NVL: variants seen among roughly 807,000 people sequenced by gnomAD.
NVL encodes the protein nuclear valosin-containing protein-like.
NVL carries 84 observed loss-of-function variants against 110.2 expected under a neutral mutation model. The ratio of observed to expected loss-of-function variants is 0.76; its 90% confidence interval spans 0.64 to 0.91. The LOEUF (loss-of-function observed/expected upper bound fraction) is 0.91. Among genes scored for constraint, NVL ranks in the 40% least tolerant of loss-of-function variants. NVL has a pLI of 0.00. For missense variants in NVL, 882 were observed against 1,035.9 expected (o/e 0.85, Z 2.04); for synonymous variants, 354 against 361.1 (o/e 0.98, Z 0.22).
intron 16 of NVL, among the ~76,000 whole-genome samples, chr1:224,278,881 C>T (rs1481321273): frequency 6.6e-6 from 1 of 152,074 alleles, no homozygotes; most frequent in Non-Finnish European, 1.5e-5. Context: ...TACAGGTGTG[C>T]ATCTGGCTAA....
At chr1:224,291,125 T>G in intron 12 of NVL, among the ~76,000 whole-genome samples, 1 of 152,264 alleles carries the variant, frequency 6.6e-6, no homozygotes, top group East Asian at 1.9e-4. Flanking sequence ...GTAGCACTTA[T>G]TCAGAGGGCT....
chr1:224,278,173 T>C (rs1665953836), intron 16 of NVL, among the ~76,000 whole-genome samples: 1 of 151,408 alleles, frequency 6.6e-6, no homozygotes, highest in Non-Finnish European at 1.5e-5. Flanking sequence ...TGTCCTAGAG[T>C]GAACTCATTT....
chr1:224,322,427 A>C (rs1321808155), intron 2 of NVL, among the ~76,000 whole-genome samples: 2 of 152,052 alleles, frequency 1.3e-5, no homozygotes, highest in African/African-American at 4.8e-5. Flanking sequence ...GGAAGGAAAA[A>C]TACTACTGAG....
At chr1:224,233,320 C>T (rs755484778) in intron 20 of NVL, 31 bp from the exon 21 acceptor site, 1 of 1,524,286 alleles carries the variant, frequency 6.6e-7, no homozygotes, top group South Asian at 1.2e-5. Context: ...TCTACTTATT[C>T]TTAGATACTG....
intron 2 of NVL, among the ~76,000 whole-genome samples, chr1:224,321,665 A>G (rs1461738606): frequency 6.6e-6 from 1 of 151,396 alleles, no homozygotes; most frequent in Non-Finnish European, 1.5e-5. Flanking sequence ...CTGAGGCAGG[A>G]GAGTCACTTG....
At position 224,289,799 on chromosome 1, in the gene NVL, A is replaced by G. The variant is rs1331407711; in HGVS notation, c.1326-66T>C. 3 of 1,496,716 alleles carry G rather than the reference A, an allele frequency of 2.0e-6. No homozygotes were observed. The African/African-American group carries it at 4.2e-5, about 21-fold the overall frequency. 92.7% of individuals were successfully genotyped at this position (1,496,716 alleles called of 1,614,324 possible). A position where few individuals can be genotyped will look rare whatever the true frequency, so the allele number is the denominator to read the frequency against. On this transcript the variant is annotated intron_variant, in intron 12 of 22. Transcript: ENST00000281701. Reference sequence around the variant, plus strand: ...TAATAGTAAAAACAAGTCACCAACTATATTTATTTGAAGTCCTTCACGTCT... The same window carrying G: ...TAATAGTAAAAACAAGTCACCAACTGTATTTATTTGAAGTCCTTCACGTCT...
At chr1:224,312,021 A>G (rs1669575291) in intron 4 of NVL, 164 bp from the exon 5 acceptor site, 1 of 590,608 alleles carries the variant, frequency 1.7e-6, no homozygotes, top group Admixed American at 3.1e-5. Context: ...TTAACCAGTT[A>G]TTACTTAACC....
chr1:224,268,134 C>T lies in NVL; in HGVS notation c.2083-1G>A. The T allele has an allele frequency of 1.2e-6, 2 of 1,609,566 alleles. No individual in the cohort carries two copies. The highest frequency in any genetic ancestry group is 2.2e-5 in the East Asian group (1 of 44,850). On this transcript the variant is annotated splice_acceptor_variant, in intron 17 of 22. Transcript: ENST00000281701. LOFTEE classifies it high-confidence loss of function. ...TCACCACTCGGACACTTGCCCCTGT[C>T]TAAAAAGACATAAATCTGGTTCCAT...
At chr1:224,324,761 AGAGTT>A (rs1670979083) in intron 2 of NVL, among the ~76,000 whole-genome samples, 1 of 152,204 alleles carries the variant, frequency 6.6e-6, no homozygotes, top group Non-Finnish European at 1.5e-5. Context: ...TTTGGACTTA[AGAGTT>A]GATGCTAAAA....
In NVL at chr1:224,326,385, A is replaced by G; in HGVS notation, c.131+6T>C. On this transcript the variant is annotated splice_donor_region_variant and intron_variant, in intron 2 of 22. Transcript: ENST00000281701. ...ATCCAAGGATCCGGAAACTATATTT[A>G]TTTACCTGTACACTCTTTGTAAATC... 1 of 1,590,406 alleles carries G rather than the reference A, an allele frequency of 6.3e-7. No homozygotes were observed. Among genetic ancestry groups the G allele is most frequent in the Non-Finnish European group, 8.6e-7 (1 of 1,166,496 alleles).
intron 15 of NVL, among the ~76,000 whole-genome samples, chr1:224,282,460 G>GA (rs1449682201): frequency 2.0e-5 from 3 of 152,340 alleles, no homozygotes; most frequent in Non-Finnish European, 4.4e-5. Flanking sequence ...CTCATGGGAT[G>GA]AAAGCATTCA....
At chr1:224,299,536 G>A (rs1479242009) in intron 10 of NVL, among the ~76,000 whole-genome samples, 1 of 152,200 alleles carries the variant, frequency 6.6e-6, no homozygotes, top group Non-Finnish European at 1.5e-5. Context: ...TACTGGTTTA[G>A]TGAGAGGTTT....
intron 17 of NVL, among the ~76,000 whole-genome samples, chr1:224,270,864 G>T (rs2102832786): frequency 6.6e-6 from 1 of 152,274 alleles, no homozygotes; most frequent in East Asian, 1.9e-4. Flanking sequence ...ATAATCCATT[G>T]TTGATAGGAA....
At chr1:224,227,810 G>A in intron 22 of NVL, 140 bp from the exon 23 acceptor site, 2 of 579,308 alleles carry the variant, frequency 3.5e-6, no homozygotes, top group Admixed American at 6.3e-5. Context: ...GGTCTTTATA[G>A]AGGAGACTGG....
In NVL at chr1:224,275,301, C is replaced by T. The variant is rs12123527; in HGVS notation, c.2082+38G>A. The stretch of plus-strand genomic sequence containing the variant: ...TGGAACATAGAAAAGGTTTATTGTG[C>T]TAAAAGAATCTGAAAACCACTAGTC... On this transcript the variant is annotated intron_variant, in intron 17 of 22. Transcript: ENST00000281701. 3,334 of 1,612,862 alleles carry T rather than the reference C, an allele frequency of 2.1e-3. 4 individuals are homozygous for T. The highest frequency in any genetic ancestry group is 2.5e-3 in the Non-Finnish European group (2,956 of 1,179,244).
intron 18 of NVL, among the ~76,000 whole-genome samples, chr1:224,260,655 G>T (rs1663863195): frequency 6.6e-6 from 1 of 151,278 alleles, no homozygotes; most frequent in Admixed American, 6.6e-5. Flanking sequence ...CCCTGCAGAA[G>T]CTTGCACATC....
intron 19 of NVL, among the ~76,000 whole-genome samples, chr1:224,242,487 CTTTT>C (rs11385074): frequency 2.3e-5 from 3 of 128,340 alleles, no homozygotes. Context: ...CAAATCTATT[CTTTT>C]TTTTTTTTTT....
At chr1:224,260,461 T>A (rs1028674810) in intron 18 of NVL, among the ~76,000 whole-genome samples, 1 of 152,020 alleles carries the variant, frequency 6.6e-6, no homozygotes, top group African/African-American at 2.4e-5. Flanking sequence ...TTTCACCATG[T>A]TGGCCAGGAT....
chr1:224,308,274 G>T lies in NVL; in HGVS notation c.343-11C>A, dbSNP rs747462474. On this transcript the variant is annotated splice_polypyrimidine_tract_variant and intron_variant, in intron 5 of 22. Transcript: ENST00000281701. ...CATGTGATTTGCTGACTGGCAGAAA[G>T]ATAAAACAAAATTGTAGCATAAATT... 2.5e-6 allele frequency: 4 copies of T among 1,586,210 alleles called. No individual in the cohort carries two copies. The highest frequency in any genetic ancestry group is 3.4e-6 in the Non-Finnish European group (4 of 1,168,220).
Sources: allele counts gnomAD v4.1 joint callset (sites outside exome capture counted in the v4.1 genomes callset), GRCh38; gene constraint gnomAD v4.1.1; transcripts MANE v1.5; gene names NCBI Gene and HGNC (gene_info 2026-07-23, HGNC 2026-07-21).